The following HTR7 variants were observed in gnomAD, a reference collection of about 807,000 sequenced individuals.
HTR7 encodes 5-hydroxytryptamine receptor 7, also known as 5-HT-7.
In HTR7, 16 loss-of-function variants were observed where a neutral mutation model predicts 34.0. The ratio of observed to expected loss-of-function variants is 0.47; its 90% CI spans 0.32 to 0.71. The LOEUF (loss-of-function observed/expected upper bound fraction) is 0.71, where lower values mean the gene tolerates loss of function less well. HTR7 is among the 30% of genes least tolerant of loss of function. HTR7 has a pLI of 0.04. For synonymous variants in HTR7, 265 were observed against 260.2 expected (o/e 1.02, Z -0.18); for missense variants, 504 against 625.5 (o/e 0.81, Z 2.07).
Position 90,857,662 on chromosome 10 carries a change from C to T in HTR7, c.10G>A (p.Val4Ile), listed in dbSNP as rs1846613354. ...AGGTCCGGGCGGCCGCTGCTGTTAA[C>T]GTCCATCATCGCGCCGCCGTGTGCC... The part of the protein sequence containing the change: MMD[V>I]NSSGRPDLYG... The change falls in exon 1 of 4, where the codon GTT (valine) becomes ATT (isoleucine). Residue 4 changes from valine to isoleucine, a missense_variant. Val to Ile is a conservative substitution (Grantham distance 29). Around this residue, in one of 4 missense-constraint regions of HTR7, gnomAD observed 139 missense variants for 117.1 expected, o/e 1.19. Coordinates refer to ENST00000336152, the MANE Select transcript of HTR7 (RefSeq NM_019859.4). This position sits in a 1 kb window ranked among gnomAD's most constrained non-coding sequence, Gnocchi z 6.5. 8 of 1,573,064 alleles carry T rather than the reference C, an allele frequency of 5.1e-6. No homozygotes were observed. Among genetic ancestry groups the T allele is most frequent in the South Asian group, 1.2e-5 (1 of 86,630 alleles).
chr10:90,758,793 C>T (rs1169753669), intron 1 of HTR7, among the ~76,000 whole-genome samples: 7 of 151,778 alleles, frequency 4.6e-5, no homozygotes, highest in Non-Finnish European at 7.4e-5. Context: ...AAAAAAAAAT[C>T]AGAAAATATG....
intron 1 of HTR7, among the ~76,000 whole-genome samples, chr10:90,833,113 C>G (rs1039555897): frequency 1.3e-5 from 2 of 152,150 alleles, no homozygotes; most frequent in Non-Finnish European, 2.9e-5. Context: ...GAGGATAGCT[C>G]GACCTCAACT....
intron 1 of HTR7, among the ~76,000 whole-genome samples, chr10:90,802,259 C>G (rs1335073079): frequency 6.6e-6 from 1 of 152,178 alleles, no homozygotes; most frequent in Admixed American, 6.5e-5. Flanking sequence ...GGCCAGCCAG[C>G]CAATCTGAAA....
intron 1 of HTR7, among the ~76,000 whole-genome samples, chr10:90,774,969 T>C (rs944916038): frequency 2.6e-5 from 4 of 152,186 alleles, no homozygotes; most frequent in Non-Finnish European, 5.9e-5. Flanking sequence ...TAGTGAAACA[T>C]GACTGCGTGC....
rs1347805064 is a variant in HTR7, at chr10:90,741,198, T to C, written c.*1284A>G. On this transcript the variant is annotated 3_prime_UTR_variant, in exon 4 of 4. Transcript: ENST00000336152. ...AGTTCACTCTTATCAAATAAAGAAT[T>C]GCATTCATTTTTCCCCTTGTAGGTA... 1.3e-5 allele frequency: 2 copies of C among 152,588 alleles called. No individual in the cohort carries two copies. Among genetic ancestry groups the C allele is most frequent in the African/African-American group, 4.8e-5 (2 of 41,426 alleles). The allele number at this position is 152,588 out of a possible 1,614,324, so 9.5% of individuals were successfully genotyped here. A position where few individuals can be genotyped will look rare whatever the true frequency, so the allele number is the denominator to read the frequency against.
intron 1 of HTR7, among the ~76,000 whole-genome samples, chr10:90,830,139 T>G (rs887099868): frequency 6.6e-6 from 1 of 152,216 alleles, no homozygotes; most frequent in African/African-American, 2.4e-5. Flanking sequence ...TACCCACCAA[T>G]AGCGAACCTC....
chr10:90,845,960 C>T (rs1846408470), intron 1 of HTR7, among the ~76,000 whole-genome samples: 1 of 152,150 alleles, frequency 6.6e-6, no homozygotes, highest in African/African-American at 2.4e-5. Context: ...ACATTGTTCT[C>T]TTTTGCCTGT....
chr10:90,816,183 CTGAT>C (rs1386205056), intron 1 of HTR7, among the ~76,000 whole-genome samples: 1 of 152,224 alleles, frequency 6.6e-6, no homozygotes, highest in African/African-American at 2.4e-5. Flanking sequence ...TCTCACCTGA[CTGAT>C]AAAGAGCTGC....
chr10:90,796,045 T>C (rs1367230959), intron 1 of HTR7, among the ~76,000 whole-genome samples: 4 of 152,210 alleles, frequency 2.6e-5, no homozygotes, highest in African/African-American at 9.6e-5. Context: ...ATCAGACTTA[T>C]TATCTGTGTT....
intron 1 of HTR7, among the ~76,000 whole-genome samples, chr10:90,831,971 C>G (rs1846186188): frequency 6.6e-6 from 1 of 152,204 alleles, no homozygotes. Flanking sequence ...TTCACAAACC[C>G]TGAGCTAGAC....
intron 1 of HTR7, among the ~76,000 whole-genome samples, chr10:90,825,910 G>A (rs1029303832): frequency 6.6e-6 from 1 of 152,166 alleles, no homozygotes; most frequent in East Asian, 1.9e-4. Context: ...CCTTAAAGAG[G>A]AAGTGGAGAG....
chr10:90,830,038 T>C (rs1185680049), intron 1 of HTR7, among the ~76,000 whole-genome samples: 1 of 152,238 alleles, frequency 6.6e-6, no homozygotes, highest in Non-Finnish European at 1.5e-5. Flanking sequence ...ATGCAATCCA[T>C]ATCAAAACAC....
chr10:90,822,667 C>T (rs189820163), intron 1 of HTR7, among the ~76,000 whole-genome samples: 2 of 152,292 alleles, frequency 1.3e-5, no homozygotes, highest in Admixed American at 1.3e-4. Flanking sequence ...ATAGCCAAGA[C>T]AATGGGGAAT....
intron 1 of HTR7, among the ~76,000 whole-genome samples, chr10:90,794,401 G>C (rs897373465): frequency 5.3e-5 from 8 of 152,152 alleles, no homozygotes; most frequent in Admixed American, 1.3e-4. Flanking sequence ...ATAACAATTA[G>C]AAGTATAGTA....
At position 90,775,079 on chromosome 10, in the gene HTR7, C is replaced by T. The variant is rs149710942; in HGVS notation, c.540-25485G>A. 7.7e-4 allele frequency among the ~76,000 whole-genome samples: 118 copies of T among 152,298 alleles called. 1 individual carries two copies. In the East Asian group the frequency reaches 0.011, roughly 14 times the overall value. ...CAGAAGAAAATTAAAGTTACCCATA[C>T]TCTCATCACTCAGAAATAGGTCTTA... On this transcript the variant is annotated intron_variant, in intron 1 of 3. Transcript: ENST00000336152.
In HTR7 at chr10:90,811,479, CACTT is replaced by C. The variant is rs1229896310; in HGVS notation, c.539+45650_539+45653del. Among the ~76,000 whole-genome samples the C allele has an allele frequency of 4.6e-5, 7 of 152,242 alleles. No homozygotes were observed. The South Asian group carries it at 1.2e-3, about 27-fold the overall frequency. On this transcript the variant is annotated intron_variant, in intron 1 of 3. Coordinates refer to ENST00000336152, the MANE Select transcript of HTR7 (RefSeq NM_019859.4). ...TCTCCCCTGTTTCTCACCCTGATCA[CACTT>C]AGTTTATTGATGGCAGTTCCACCAG...
At chr10:90,761,645 TG>T in intron 1 of HTR7, among the ~76,000 whole-genome samples, 1 of 152,006 alleles carries the variant, frequency 6.6e-6, no homozygotes, top group African/African-American at 2.4e-5. Flanking sequence ...TGTGTGTGTG[TG>T]TGTGTGTGTG....
In HTR7 at chr10:90,771,649, C is replaced by CA. The variant is rs375338505; in HGVS notation, c.540-22056dup. ...TGCCAGCACCTGGAGCTGCCTGCCC[C>CA]ATGGCAGCAGCCAGCATGTCTGACT... On this transcript the variant is annotated intron_variant, in intron 1 of 3. Coordinates refer to ENST00000336152, the MANE Select transcript of HTR7 (RefSeq NM_019859.4). Among the ~76,000 whole-genome samples, 33 of 152,344 alleles carry CA rather than the reference C, an allele frequency of 2.2e-4. 1 individual carries two copies. The highest frequency in any genetic ancestry group is 3.4e-3 in the Middle Eastern group (1 of 294).
intron 1 of HTR7, among the ~76,000 whole-genome samples, chr10:90,828,631 A>G (rs1309824676): frequency 6.6e-6 from 1 of 152,202 alleles, no homozygotes; most frequent in Non-Finnish European, 1.5e-5. Flanking sequence ...CAACTTACCA[A>G]GATTGAACCA....
Sources: allele counts gnomAD v4.1 joint callset (sites outside exome capture counted in the v4.1 genomes callset), GRCh38; gene constraint gnomAD v4.1.1; regional missense constraint gnomAD v4.1.1; non-coding constraint Gnocchi (gnomAD v3.1); transcripts MANE v1.5; gene names NCBI Gene and HGNC (gene_info 2026-07-23, HGNC 2026-07-21).